MGAT4C: variants seen among roughly 807,000 people sequenced by gnomAD.
MGAT4C encodes MGAT4 family member C, also known as alpha-1,3-mannosyl-glycoprotein 4-beta-N-acetylglucosaminyltransferase C.
MGAT4C carries 19 observed loss-of-function variants against 40.1 expected under a neutral mutation model. The ratio of observed to expected loss-of-function variants is 0.47; its 90% confidence interval spans 0.33 to 0.70. The LOEUF is 0.70. Ranked by LOEUF, MGAT4C falls within the 30% of genes least tolerant of loss-of-function variation. The pLI is 0.02. For synonymous variants in MGAT4C, 181 were observed against 187.1 expected (o/e 0.97, Z 0.27); for missense variants, 491 against 563.2 (o/e 0.87, Z 1.30).
chr12:86,073,767 C>T (rs1408431852), intron 1 of MGAT4C, among the ~76,000 whole-genome samples: 1 of 152,166 alleles, frequency 6.6e-6, no homozygotes, highest in Non-Finnish European at 1.5e-5. Flanking sequence ...AAGTAACTAG[C>T]TTGCTTTTGA....
rs956070033 is a variant in MGAT4C, at chr12:86,631,009, C to T, written c.-229+96200G>A. On this transcript the variant is annotated intron_variant, in intron 2 of 7. Coordinates refer to the MGAT4C transcript ENST00000548651. ...TGATGGTATATTTAGAAAACCCCAT[C>T]GTCTCAGCCCAAAATCTCCTTAAGC... Among the ~76,000 whole-genome samples, 11 of 152,116 alleles carry T rather than the reference C, an allele frequency of 7.2e-5. 1 individual carries two copies. The highest frequency in any genetic ancestry group is 2.7e-4 in the African/African-American group (11 of 41,446).
intron 4 of MGAT4C, among the ~76,000 whole-genome samples, chr12:86,266,699 T>C (rs1327945293): frequency 6.6e-6 from 1 of 152,184 alleles, no homozygotes; most frequent in Non-Finnish European, 1.5e-5. Context: ...TTGAACAGTT[T>C]CAGAAGGATT....
chr12:86,799,997 G>A (rs920659264), intron 1 of MGAT4C, among the ~76,000 whole-genome samples: 1 of 151,882 alleles, frequency 6.6e-6, no homozygotes, highest in Non-Finnish European at 1.5e-5. Context: ...TGGGTGCTGA[G>A]TGACACAAAT....
chr12:86,768,433 C>T (rs1230155269), intron 1 of MGAT4C, among the ~76,000 whole-genome samples: 4 of 151,958 alleles, frequency 2.6e-5, no homozygotes, highest in African/African-American at 4.8e-5. Flanking sequence ...GTGAAAATGG[C>T]CATACTACCC....
intron 1 of MGAT4C, among the ~76,000 whole-genome samples, chr12:86,096,843 CATATA>C (rs1874026381): frequency 1.3e-5 from 2 of 151,534 alleles, no homozygotes; most frequent in South Asian, 4.1e-4. Flanking sequence ...ACCTAAATCC[CATATA>C]ATATATTTGT....
At chr12:86,684,482 G>A (rs913134122) in intron 2 of MGAT4C, among the ~76,000 whole-genome samples, 4 of 152,108 alleles carry the variant, frequency 2.6e-5, no homozygotes, top group Non-Finnish European at 5.9e-5. Flanking sequence ...AATAGTGCTG[G>A]AATAAACATA....
intron 2 of MGAT4C, chr12:86,601,454 C>G (rs1319711652): frequency 6.6e-6 from 1 of 152,482 alleles, no homozygotes; most frequent in Non-Finnish European, 1.5e-5. Context: ...TGCACTCAAG[C>G]CCCTGGGGAC....
intron 2 of MGAT4C, among the ~76,000 whole-genome samples, chr12:86,613,739 A>G (rs1962358395): frequency 1.3e-5 from 2 of 152,178 alleles, no homozygotes; most frequent in African/African-American, 4.8e-5. Context: ...AATAAAAATT[A>G]TATATTTTAG....
intron 4 of MGAT4C, among the ~76,000 whole-genome samples, chr12:86,279,650 C>T (rs12582781): frequency 0.099 from 10,620 of 107,498 alleles, 914 homozygotes; most frequent in East Asian, 0.36. Flanking sequence ...TTTATTTCTG[C>T]TCTGATCTTT....
intron 2 of MGAT4C, among the ~76,000 whole-genome samples, chr12:86,469,881 C>T (rs922355337): frequency 6.6e-6 from 1 of 152,062 alleles, no homozygotes; most frequent in African/African-American, 2.4e-5. Flanking sequence ...ACCAAATCCT[C>T]CTATAGAAAC....
Position 86,737,613 on chromosome 12 carries a change from C to T in MGAT4C, c.-261-10372G>A, listed in dbSNP as rs971733606. On this transcript the variant is annotated intron_variant, in intron 1 of 7. Coordinates refer to the MGAT4C transcript ENST00000548651. ...TCCAGCTCCTAATACTTTCTGAACT[C>T]CAAACTTACTTGTACAACTACATAA... is the stretch of plus-strand genomic sequence containing the variant. Among the ~76,000 whole-genome samples, 7 of 151,250 alleles carry T rather than the reference C, an allele frequency of 4.6e-5. No homozygotes were observed. The East Asian group carries it at 1.2e-3, about 25-fold the overall frequency.
chr12:86,203,006 A>G (rs375758213), intron 1 of MGAT4C, among the ~76,000 whole-genome samples: 2 of 131,776 alleles, frequency 1.5e-5, no homozygotes, highest in African/African-American at 5.7e-5. Context: ...AGTATATGTC[A>G]CATTTTCCTG....
At chr12:86,066,178 C>T (rs539438165) in intron 1 of MGAT4C, among the ~76,000 whole-genome samples, 1 of 152,164 alleles carries the variant, frequency 6.6e-6, no homozygotes, top group African/African-American at 2.4e-5. Flanking sequence ...CAAGGTACCA[C>T]TGATTTTCTT....
chr12:86,297,983 GAT>G (rs1379619792), intron 4 of MGAT4C, among the ~76,000 whole-genome samples: 2 of 152,134 alleles, frequency 1.3e-5, no homozygotes, highest in Non-Finnish European at 2.9e-5. Flanking sequence ...TATATATAAA[GAT>G]ATGTGGATGT....
chr12:86,539,913 C>T (rs995492866), intron 2 of MGAT4C, among the ~76,000 whole-genome samples: 6 of 152,048 alleles, frequency 3.9e-5, no homozygotes, highest in Non-Finnish European at 8.8e-5. Context: ...TTTGTAGTTC[C>T]AGTATTAGCC....
chr12:86,803,872 T>C lies in MGAT4C; in HGVS notation c.-262+34794A>G, dbSNP rs1347995680. ...ATTCAGTGTGGTGATTCCTCAGGGA[T>C]CTAGAACTAGAAATACCATTTGACC... On this transcript the variant is annotated intron_variant, in intron 1 of 7. Transcript: ENST00000548651. Among the ~76,000 whole-genome samples the C allele has an allele frequency of 6.8e-3, 1,019 of 150,818 alleles. 10 individuals are homozygous for C. Among genetic ancestry groups the C allele is most frequent in the African/African-American group, 0.024 (971 of 40,908 alleles).
intron 1 of MGAT4C, among the ~76,000 whole-genome samples, chr12:86,217,158 C>T (rs927989100): frequency 6.6e-6 from 1 of 151,766 alleles, no homozygotes; most frequent in Non-Finnish European, 1.5e-5. Context: ...TTCCCCTCTC[C>T]AGTTTCTTAT....
intron 1 of MGAT4C, among the ~76,000 whole-genome samples, chr12:86,054,439 A>G (rs906292274): frequency 6.6e-6 from 1 of 152,002 alleles, no homozygotes; most frequent in Non-Finnish European, 1.5e-5. Context: ...GTGTGGAGAT[A>G]GAAAGATGTT....
At chr12:86,195,063 G>C (rs1232937801) in intron 1 of MGAT4C, among the ~76,000 whole-genome samples, 1 of 152,166 alleles carries the variant, frequency 6.6e-6, no homozygotes, top group Non-Finnish European at 1.5e-5. Context: ...GGATCTTGGT[G>C]CCTCAAGTTC....
Sources: gnomAD v4.1 joint callset for allele counts (sites outside exome capture counted in the v4.1 genomes callset) on GRCh38, gnomAD v4.1.1 for gene constraint, MANE v1.5 for transcripts, NCBI Gene and HGNC (gene_info 2026-07-23, HGNC 2026-07-21) for gene names.